Variants in RBFOX1 observed in about 807,000 individuals in gnomAD.
RBFOX1 encodes RNA binding protein fox-1 homolog 1.
RBFOX1 carries 8 observed loss-of-function variants against 57.7 expected under a neutral mutation model. The ratio of observed to expected loss-of-function variants is 0.14; its 90% confidence interval spans 0.08 to 0.25. The LOEUF is 0.25. Among genes scored for constraint, RBFOX1 ranks in the 10% least tolerant of loss-of-function variants. The pLI, the probability that RBFOX1 is intolerant of heterozygous loss-of-function variation, is 1.00. For synonymous variants in RBFOX1, 326 were observed against 222.4 expected (o/e 1.47, Z -4.15); for missense variants, 611 against 548.5 (o/e 1.11, Z -1.14).
chr16:6,669,708 A>G (rs920762742), intron 3 of RBFOX1, among the ~76,000 whole-genome samples: 5 of 152,102 alleles, frequency 3.3e-5, no homozygotes, highest in Non-Finnish European at 5.9e-5. Context: ...CAAATTTTGT[A>G]TTTCCTTTTC....
chr16:7,078,237 G>A (rs1208227621), intron 4 of RBFOX1, among the ~76,000 whole-genome samples: 1 of 152,198 alleles, frequency 6.6e-6, no homozygotes. Context: ...CCACTATACA[G>A]AGTTTTTTGG....
chr16:6,103,143 G>T (rs960008138), intron 1 of RBFOX1, among the ~76,000 whole-genome samples: 1 of 152,200 alleles, frequency 6.6e-6, no homozygotes, highest in African/African-American at 2.4e-5. Context: ...TGCAATATTT[G>T]CTCAGTGGGT....
intron 1 of RBFOX1, among the ~76,000 whole-genome samples, chr16:5,406,667 T>C (rs1275139299): frequency 1.3e-5 from 2 of 152,154 alleles, no homozygotes; most frequent in African/African-American, 4.8e-5. Context: ...TATGTATATG[T>C]GTGTGTGTTC....
chr16:7,313,176 A>G (rs535753078), intron 4 of RBFOX1, among the ~76,000 whole-genome samples: 245 of 152,270 alleles, frequency 1.6e-3, no homozygotes, highest in Non-Finnish European at 2.7e-3. Context: ...TTTGCTTTGG[A>G]TCTATCTATT....
chr16:7,136,249 T>C (rs2071920760), intron 4 of RBFOX1, among the ~76,000 whole-genome samples: 1 of 152,278 alleles, frequency 6.6e-6, no homozygotes, highest in Admixed American at 6.5e-5. Flanking sequence ...ACAGTGGATA[T>C]TGAAATGTAA....
intron 5 of RBFOX1, among the ~76,000 whole-genome samples, chr16:7,575,782 GA>G: frequency 6.6e-6 from 1 of 152,120 alleles, no homozygotes; most frequent in African/African-American, 2.4e-5. Context: ...GAAGGTCCCA[GA>G]AAAAAGAGAA....
At chr16:6,502,898 C>T (rs998548665) in intron 2 of RBFOX1, among the ~76,000 whole-genome samples, 2 of 152,136 alleles carry the variant, frequency 1.3e-5, no homozygotes, top group African/African-American at 4.8e-5. Context: ...CATGTTACAA[C>T]TTGTAAACCG....
intron 4 of RBFOX1, among the ~76,000 whole-genome samples, chr16:7,186,943 A>G (rs1037829142): frequency 2.8e-5 from 4 of 144,296 alleles, no homozygotes; most frequent in African/African-American, 1.0e-4. Context: ...AAATTGCTTG[A>G]GACTGGGAGT....
At chr16:7,355,114 GC>G (rs2097192605) in intron 4 of RBFOX1, among the ~76,000 whole-genome samples, 2 of 152,170 alleles carry the variant, frequency 1.3e-5, no homozygotes, top group African/African-American at 4.8e-5. Context: ...TATCACCCAA[GC>G]TTTGAATGTG....
intron 3 of RBFOX1, among the ~76,000 whole-genome samples, chr16:6,876,626 C>G (rs543630455): frequency 3.9e-5 from 6 of 152,060 alleles, no homozygotes; most frequent in South Asian, 2.1e-4. Context: ...AGACTTGTAT[C>G]TATTTTTTTT....
At chr16:6,243,644 G>A (rs953927350) in intron 1 of RBFOX1, among the ~76,000 whole-genome samples, 10 of 152,156 alleles carry the variant, frequency 6.6e-5, no homozygotes, top group African/African-American at 1.9e-4. Context: ...CCCGTAACCC[G>A]GGCCTGTCTC....
chr16:5,684,576 G>C (rs1200118162), intron 3 of RBFOX1, among the ~76,000 whole-genome samples: 1 of 152,082 alleles, frequency 6.6e-6, no homozygotes, highest in African/African-American at 2.4e-5. Context: ...TTCCAAGGAC[G>C]GACACTTGTT....
intron 4 of RBFOX1, among the ~76,000 whole-genome samples, chr16:7,222,797 C>G (rs2092825826): frequency 6.6e-6 from 1 of 152,206 alleles, no homozygotes; most frequent in South Asian, 2.1e-4. Flanking sequence ...TCACAACTAT[C>G]AGGTACTCTT....
chr16:6,212,881 A>T (rs2152856339), intron 1 of RBFOX1, among the ~76,000 whole-genome samples: 1 of 152,312 alleles, frequency 6.6e-6, no homozygotes, highest in East Asian at 1.9e-4. Flanking sequence ...CAATAGTAAA[A>T]AAAAGTCTGT....
chr16:5,713,076 T>G (rs1687225088), intron 3 of RBFOX1, among the ~76,000 whole-genome samples: 1 of 152,186 alleles, frequency 6.6e-6, no homozygotes, highest in South Asian at 2.1e-4. Flanking sequence ...GTGCAGAAAG[T>G]TTTCCTTTCC....
At chr16:7,347,851 G>A (rs1405603651) in intron 4 of RBFOX1, among the ~76,000 whole-genome samples, 1 of 152,170 alleles carries the variant, frequency 6.6e-6, no homozygotes, top group Non-Finnish European at 1.5e-5. Context: ...AGCTGGTTGT[G>A]AGCTGTTAGC....
At chr16:7,373,060 T>G (rs1473943503) in intron 4 of RBFOX1, among the ~76,000 whole-genome samples, 1 of 151,820 alleles carries the variant, frequency 6.6e-6, no homozygotes, top group African/African-American at 2.4e-5. Context: ...GCCTCCCGAG[T>G]AGCTGGGACT....
intron 1 of RBFOX1, among the ~76,000 whole-genome samples, chr16:6,312,714 T>A (rs978211890): frequency 3.5e-5 from 5 of 142,900 alleles, no homozygotes; most frequent in Non-Finnish European, 6.1e-5. Context: ...CCTTCCTTCC[T>A]CCATTCCTTC....
intron 1 of RBFOX1, among the ~76,000 whole-genome samples, chr16:6,042,521 C>A (rs1035527591): frequency 6.6e-6 from 1 of 152,128 alleles, no homozygotes; most frequent in Non-Finnish European, 1.5e-5. Context: ...ACTTAATTTA[C>A]ACATTTAATT....
Sources: gnomAD v4.1 joint callset for allele counts (sites outside exome capture counted in the v4.1 genomes callset) on GRCh38, gnomAD v4.1.1 for gene constraint, MANE v1.5 for transcripts, NCBI Gene and HGNC (gene_info 2026-07-23, HGNC 2026-07-21) for gene names.